The following SVOPL variants were observed in gnomAD, a reference collection of about 807,000 sequenced individuals.
SVOPL encodes putative transporter SVOPL.
SVOPL carries 60 observed loss-of-function variants against 61.0 expected under a neutral mutation model. The observed-to-expected ratio is 0.98, with a 90% CI of 0.80 to 1.22. SVOPL has a LOEUF of 1.22. Ranked by LOEUF, SVOPL falls within the 50% of genes most tolerant of loss-of-function variation. SVOPL has a pLI of 0.00. For synonymous variants in SVOPL, 279 were observed against 250.0 expected (o/e 1.12, Z -1.09); for missense variants, 662 against 643.9 (o/e 1.03, Z -0.30).
intron 4 of SVOPL, among the ~76,000 whole-genome samples, chr7:138,669,275 T>C (rs1456086233): frequency 6.6e-6 from 1 of 152,098 alleles, no homozygotes; most frequent in African/African-American, 2.4e-5. Flanking sequence ...ATTAGCCAGG[T>C]GTGGTGACCC....
rs1276440091 is a variant in SVOPL at position 138,631,769 on chromosome 7, A to C, written c.790-1647T>G. Among the ~76,000 whole-genome samples the C allele has an allele frequency of 2.0e-5, 3 of 152,024 alleles. No individual in the cohort carries two copies. The East Asian group carries it at 5.8e-4, about 29-fold the overall frequency. ...ATTTTAGTAGAGACGGGGTTTTACC[A>C]TGTTGCCCAGGCTGGTCTCAAACTC... On this transcript the variant is annotated intron_variant, in intron 9 of 15. Transcript: ENST00000674285.
chr7:138,670,599 C>T (rs2117106709), intron 4 of SVOPL, among the ~76,000 whole-genome samples: 1 of 152,312 alleles, frequency 6.6e-6, no homozygotes, highest in South Asian at 2.1e-4. Context: ...TATCCATTCT[C>T]TAGCCCCCTG....
intron 9 of SVOPL, among the ~76,000 whole-genome samples, chr7:138,637,544 A>G (rs1800558339): frequency 6.6e-6 from 1 of 150,430 alleles, no homozygotes; most frequent in Non-Finnish European, 1.5e-5. Flanking sequence ...ATACATACAC[A>G]CACACACCCC....
chr7:138,611,339 T>C (rs1194728703), intron 14 of SVOPL, among the ~76,000 whole-genome samples: 4 of 152,124 alleles, frequency 2.6e-5, no homozygotes, highest in South Asian at 2.1e-4. Context: ...GATCGCACCA[T>C]TGCACTCCAG....
intron 14 of SVOPL, among the ~76,000 whole-genome samples, chr7:138,601,590 C>T (rs947705393): frequency 6.6e-6 from 1 of 151,488 alleles, no homozygotes; most frequent in Non-Finnish European, 1.5e-5. Flanking sequence ...TAGAATAAAA[C>T]GGTGATTACC....
chr7:138,636,584 C>T (rs1248179136), intron 9 of SVOPL, among the ~76,000 whole-genome samples: 1 of 151,478 alleles, frequency 6.6e-6, no homozygotes, highest in East Asian at 1.9e-4. Context: ...GATTCTCGTG[C>T]CTCGGCCTCC....
At chr7:138,614,399 T>TC (rs1340795947) in intron 14 of SVOPL, among the ~76,000 whole-genome samples, 1 of 68,266 alleles carries the variant, frequency 1.5e-5, no homozygotes, top group Admixed American at 1.2e-4. Flanking sequence ...CAACTTTTTT[T>TC]TTTTTTTTTT....
In SVOPL at chr7:138,603,049, A is replaced by G. The variant is rs528628958; in HGVS notation, c.1354-6519T>C. 2.6e-5 allele frequency among the ~76,000 whole-genome samples: 4 copies of G among 152,250 alleles called. No homozygotes were observed. The East Asian group carries it at 7.7e-4, about 29-fold the overall frequency. On this transcript the variant is annotated intron_variant, in intron 14 of 15. Transcript: ENST00000674285. ...ACATGTATATAAAACACACATCTAT[A>G]TATACATACACATCCACATATATAC...
intron 9 of SVOPL, among the ~76,000 whole-genome samples, chr7:138,633,790 A>G (rs1487316513): frequency 2.6e-5 from 4 of 152,218 alleles, no homozygotes; most frequent in Admixed American, 6.5e-5. Context: ...TTGCATTACT[A>G]TGGAGTACAT....
chr7:138,689,430 A>G, intron 1 of SVOPL: 1 of 1,212,148 alleles, frequency 8.2e-7, no homozygotes, highest in South Asian at 1.2e-5. Context: ...GATGATCCTT[A>G]CTGAAAAGGA....
chr7:138,597,249 T>A (rs1402234502), intron 14 of SVOPL: 1 of 1,283,380 alleles, frequency 7.8e-7, no homozygotes, highest in Non-Finnish European at 1.0e-6. Context: ...AGCAAAGCTC[T>A]CTAGAATCAC....
chr7:138,679,008 C>A lies in SVOPL; in HGVS notation c.38G>T (p.Ser13Ile). The part of the protein sequence containing the change: ...TKPTEPVTIL[S>I]LRKLSLGTAE... Reference sequence around the variant, plus strand: ...GGTCCCCAGGCTCAATTTCCGAAGGCTGAGGATCGTGACAGGCTCTGTTGG... The same window carrying A: ...GGTCCCCAGGCTCAATTTCCGAAGGATGAGGATCGTGACAGGCTCTGTTGG... Residue 13 changes from serine (S) to isoleucine (I), a missense_variant, in exon 2 of 16, where the codon AGC becomes ATC. Ser to Ile is a moderately radical substitution (Grantham distance 142, BLOSUM62 -2). Transcript: ENST00000674285. The A allele has an allele frequency of 6.4e-7, 1 of 1,551,676 alleles. No individual in the cohort carries two copies. Among genetic ancestry groups the A allele is most frequent in the Non-Finnish European group, 8.7e-7 (1 of 1,146,972 alleles).
At chr7:138,630,363 A>G (rs1371808581) in intron 9 of SVOPL, among the ~76,000 whole-genome samples, 1 of 152,144 alleles carries the variant, frequency 6.6e-6, no homozygotes. Flanking sequence ...AGCTCACTGA[A>G]CTTAAGATCC....
intron 9 of SVOPL, among the ~76,000 whole-genome samples, chr7:138,641,830 A>G (rs1800811179): frequency 1.5e-5 from 2 of 133,670 alleles, no homozygotes; most frequent in Non-Finnish European, 3.2e-5. Flanking sequence ...ATATATATAT[A>G]TATAACATAT....
rs1801287116 is a variant in SVOPL at position 138,649,058 on chromosome 7, A to G, written c.614T>C (p.Ile205Thr). ...GATGCCCGGGATGGAGGCGACGCGA[A>G]TGAGCCAGCGCCACCCGATGGTGGG... is the stretch of plus-strand genomic sequence containing the variant. ...IIPTIGWRWL[I>T]RVASIPGIIL... Residue 205 changes from isoleucine to threonine, a missense_variant, in exon 8 of 16, where the codon ATT (isoleucine) becomes ACT (threonine). By Grantham distance (89) the Ile-to-Thr change is moderately conservative. Coordinates refer to ENST00000674285, the MANE Select transcript of SVOPL (RefSeq NM_001139456.2). 1 of 1,613,928 alleles carries G rather than the reference A, an allele frequency of 6.2e-7. No homozygotes were observed.
rs550072445 is a variant in SVOPL, at chr7:138,694,821, C to T, written c.-35+6357G>A. Among the ~76,000 whole-genome samples the T allele has an allele frequency of 4.6e-5, 7 of 152,164 alleles. No homozygotes were observed. In the South Asian group the frequency reaches 1.2e-3, roughly 27 times the overall value. ...TGCAATGGTCTTGGCTCACTGCAAC[C>T]TCCGCCTCCTGGGTTCAAGTGATTC... On this transcript the variant is annotated intron_variant, in intron 1 of 15. Coordinates refer to ENST00000674285, the MANE Select transcript of SVOPL (RefSeq NM_001139456.2).
intron 1 of SVOPL, among the ~76,000 whole-genome samples, chr7:138,697,611 C>CAAAA (rs397890852): frequency 1.4e-5 from 1 of 70,506 alleles, no homozygotes; most frequent in Non-Finnish European, 2.9e-5. Flanking sequence ...GACCCTGCCT[C>CAAAA]AAAAAAAAAA....
At chr7:138,624,479 C>T (rs1799807576) in intron 13 of SVOPL, among the ~76,000 whole-genome samples, 1 of 152,114 alleles carries the variant, frequency 6.6e-6, no homozygotes, top group Non-Finnish European at 1.5e-5. Flanking sequence ...CATATTCATT[C>T]CTAAGCTATC....
chr7:138,648,278 C>T (rs1289713967), intron 8 of SVOPL, among the ~76,000 whole-genome samples: 1 of 151,940 alleles, frequency 6.6e-6, no homozygotes, highest in Non-Finnish European at 1.5e-5. Context: ...TGAGGGCTGC[C>T]CGCTGGTTGA....
Sources: allele counts gnomAD v4.1 joint callset (sites outside exome capture counted in the v4.1 genomes callset), GRCh38; gene constraint gnomAD v4.1.1; transcripts MANE v1.5; gene names NCBI Gene and HGNC (gene_info 2026-07-23, HGNC 2026-07-21).